Variants in FAM20C observed in about 807,000 individuals in gnomAD.
The protein encoded by FAM20C is extracellular serine/threonine protein kinase FAM20C.
FAM20C carries 40 observed loss-of-function variants against 51.5 expected under a neutral mutation model. That is an observed-to-expected ratio of 0.78 (90% CI 0.60 to 1.01). FAM20C has a LOEUF of 1.01. FAM20C is among the 50% of genes least tolerant of loss of function. The pLI is 0.00. For synonymous variants in FAM20C, 406 were observed against 380.6 expected (o/e 1.07, Z -0.78); for missense variants, 861 against 844.7 (o/e 1.02, Z -0.24).
At chr7:218,000 G>A (rs373630472) in intron 3 of FAM20C, among the ~76,000 whole-genome samples, 35 of 152,148 alleles carry the variant, frequency 2.3e-4, no homozygotes, top group Non-Finnish European at 3.1e-4. Flanking sequence ...GCCCGTCCCC[G>A]TCGGCCCCGG....
At position 258,661 on chromosome 7, in the gene FAM20C, G is replaced by A. The variant is rs373079378; in HGVS notation, c.1461G>A (p.Ser487=). 424 of 1,536,708 alleles carry A rather than the reference G, an allele frequency of 2.8e-4. No individual in the cohort carries two copies. In the African/African-American group the frequency reaches 3.0e-3, roughly 11 times the overall value. The change falls in exon 9 of 10, where the codon TCG becomes TCA. Residue 487 remains serine, a synonymous_variant. Transcript: ENST00000313766. ...LDNGRGFGKY[S]HDELSILVPL... ...CTTCTGGAAGGTTTGGGAAGTATTCGCACGACGAGCTCTCCATCCTGGTGC... is the reference window on the plus strand; with the variant it reads ...CTTCTGGAAGGTTTGGGAAGTATTCACACGACGAGCTCTCCATCCTGGTGC...
At chr7:195,764 T>C in intron 2 of FAM20C, 32 bp downstream of exon 2, 11 of 1,527,092 alleles carry the variant, frequency 7.2e-6, no homozygotes, top group Non-Finnish European at 9.7e-6. Context: ...CAGGGCCGTC[T>C]GTGTGCCGGC....
At chr7:232,682 C>T (rs1420477803) in intron 3 of FAM20C, among the ~76,000 whole-genome samples, 1 of 152,198 alleles carries the variant, frequency 6.6e-6, no homozygotes. Context: ...CAGTGGGAAC[C>T]GTTCTATGAG....
In FAM20C at chr7:205,823, C is replaced by T. The variant is rs548404006; in HGVS notation, c.785-3075C>T. On this transcript the variant is annotated intron_variant, in intron 2 of 9. Transcript: ENST00000313766. ...ATTCAGTGTCCTCGGGAAGCATCCA[C>T]GGCACCCCCAGGCCCCCCACGAAGC... 5.3e-5 allele frequency among the ~76,000 whole-genome samples: 8 copies of T among 152,206 alleles called. No individual in the cohort carries two copies. In the East Asian group the frequency reaches 9.7e-4, roughly 18 times the overall value.
chr7:195,286 T>C (rs1235035399), intron 1 of FAM20C: 3 of 384,916 alleles, frequency 7.8e-6, no homozygotes, highest in Non-Finnish European at 1.4e-5. Context: ...GTCCTGGAAT[T>C]AGTTTTGCTG....
intron 2 of FAM20C, 61 bp from the exon 3 acceptor site, chr7:208,837 A>G: frequency 6.6e-7 from 1 of 1,517,508 alleles, no homozygotes; most frequent in Non-Finnish European, 8.9e-7. Context: ...CCTCGTCCGC[A>G]CAGGAGAAGA....
chr7:214,204 A>G (rs1487483015), intron 3 of FAM20C, among the ~76,000 whole-genome samples: 3 of 152,098 alleles, frequency 2.0e-5, no homozygotes, highest in Non-Finnish European at 4.4e-5. Flanking sequence ...GCATGCCTGT[A>G]ATCCCAGCTA....
At chr7:242,322 G>C (rs1045894240) in intron 3 of FAM20C, among the ~76,000 whole-genome samples, 1 of 152,236 alleles carries the variant, frequency 6.6e-6, no homozygotes, top group Non-Finnish European at 1.5e-5. Flanking sequence ...TGGGTCCGGG[G>C]ACGCGGATCT....
At chr7:236,087 C>T (rs1030711311) in intron 3 of FAM20C, among the ~76,000 whole-genome samples, 69 of 152,332 alleles carry the variant, frequency 4.5e-4, no homozygotes, top group Non-Finnish European at 8.1e-4. Context: ...GTGACCGCTT[C>T]GGCCGAGTTC....
intron 3 of FAM20C, chr7:228,855 C>G (rs1562384130): frequency 4.4e-6 from 2 of 454,486 alleles, no homozygotes; most frequent in Non-Finnish European, 8.9e-6. Flanking sequence ...CCTGTAACAA[C>G]TGCATGCTGG....
intron 3 of FAM20C, among the ~76,000 whole-genome samples, chr7:212,416 T>C (rs922203246): frequency 6.6e-6 from 1 of 152,188 alleles, no homozygotes; most frequent in East Asian, 1.9e-4. Flanking sequence ...TGAGCCGAGC[T>C]GACGCCACTG....
At chr7:254,983 C>T (rs751135354) in intron 5 of FAM20C, among the ~76,000 whole-genome samples, 9 of 152,228 alleles carry the variant, frequency 5.9e-5, no homozygotes, top group Non-Finnish European at 1.2e-4. Context: ...CTGGCGTGTC[C>T]ACTCCTCTCT....
At chr7:245,671 GACC>G in intron 3 of FAM20C, among the ~76,000 whole-genome samples, 1 of 152,358 alleles carries the variant, frequency 6.6e-6, no homozygotes, top group East Asian at 1.9e-4. Flanking sequence ...TTTCCACCAT[GACC>G]ACATCGGTCA....
chr7:244,963 C>T lies in FAM20C; in HGVS notation c.864-1452C>T, dbSNP rs181229413. Among the ~76,000 whole-genome samples the T allele has an allele frequency of 1.5e-3, 224 of 152,328 alleles. 1 individual carries two copies. Among genetic ancestry groups the T allele is most frequent in the Non-Finnish European group, 2.6e-3 (177 of 68,036 alleles). On this transcript the variant is annotated intron_variant, in intron 3 of 9. Coordinates refer to ENST00000313766, the MANE Select transcript of FAM20C (RefSeq NM_020223.4). ...GCTTTCTGAGAACAGCGTGGGAGGA[C>T]GGGAGCCACGGGCTGGTGTGTAATT...
At chr7:236,103 C>T (rs1396827089) in intron 3 of FAM20C, among the ~76,000 whole-genome samples, 1 of 152,238 alleles carries the variant, frequency 6.6e-6, no homozygotes, top group Non-Finnish European at 1.5e-5. Context: ...AGTTCGTCCC[C>T]TTCCGTGCAG....
chr7:257,762 G>GTGGGATGGACC, intron 8 of FAM20C, among the ~76,000 whole-genome samples: 1 of 140,092 alleles, frequency 7.1e-6, no homozygotes, highest in Non-Finnish European at 1.6e-5. Flanking sequence ...CTGGAGATGG[G>GTGGGATGGACC]CAGGGTGGAC....
Position 256,664 on chromosome 7 carries a change from G to A in FAM20C, c.1264G>A (p.Asp422Asn), listed in dbSNP as rs1039558550. The A allele has an allele frequency of 2.0e-6, 3 of 1,535,996 alleles. No homozygotes were observed. The highest frequency in any genetic ancestry group is 1.4e-5 in the African/African-American group (1 of 73,176). The change falls in exon 7 of 10, where the codon GAC (aspartate) becomes AAC (asparagine). Residue 422 changes from aspartate to asparagine, a missense_variant. This residue lies in a region of FAM20C where 269 missense variants were observed against 283.8 expected (regional missense o/e 0.95). Coordinates refer to ENST00000313766, the MANE Select transcript of FAM20C (RefSeq NM_020223.4). ...HKRKKAEWEV[D>N]PDYCEEVKQT... Reference sequence around the variant, plus strand: ...GCTGGCTCCCCGCAGGTGGGAGGTGGACCCTGACTACTGCGAGGAGGTGAA... The same window carrying A: ...GCTGGCTCCCCGCAGGTGGGAGGTGAACCCTGACTACTGCGAGGAGGTGAA...
intron 8 of FAM20C, among the ~76,000 whole-genome samples, chr7:258,157 T>TG (rs1788695085): frequency 2.3e-4 from 20 of 86,534 alleles, no homozygotes; most frequent in African/African-American, 8.1e-4. Context: ...GTGCTGGAGA[T>TG]AGGCAGGGTG....
In FAM20C at chr7:253,729, C is replaced by A. The variant is rs1157038186; in HGVS notation, c.1073-2120C>A. ...TCACACAGCTCCAAGCCCTCCTAAC[C>A]CCGCCCGGGAGGCCCCTTTAATACC... On this transcript the variant is annotated intron_variant, in intron 5 of 9. Coordinates refer to ENST00000313766, the MANE Select transcript of FAM20C (RefSeq NM_020223.4). 4.6e-5 allele frequency among the ~76,000 whole-genome samples: 7 copies of A among 152,254 alleles called. No homozygotes were observed. The East Asian group carries it at 1.4e-3, about 29-fold the overall frequency.
Sources: gnomAD v4.1 joint callset for allele counts (sites outside exome capture counted in the v4.1 genomes callset) on GRCh38, gnomAD v4.1.1 for gene constraint, gnomAD v4.1.1 regional missense constraint, MANE v1.5 for transcripts, NCBI Gene and HGNC (gene_info 2026-07-23, HGNC 2026-07-21) for gene names.